The following CHUK variants were observed in gnomAD, a reference collection of about 807,000 sequenced individuals.
The protein encoded by CHUK is inhibitor of nuclear factor kappa-B kinase subunit alpha.
In CHUK, 35 loss-of-function variants were observed where a neutral mutation model predicts 104.8. The ratio of observed to expected loss-of-function variants is 0.33; its 90% CI spans 0.26 to 0.44. The LOEUF (loss-of-function observed/expected upper bound fraction) is 0.44, where lower values mean the gene tolerates loss of function less well. Ranked by LOEUF, CHUK falls within the 20% of genes least tolerant of loss-of-function variation. CHUK has a pLI of 1.00. For missense variants in CHUK, 663 were observed against 902.7 expected (o/e 0.73, Z 3.40); for synonymous variants, 276 against 291.9 (o/e 0.95, Z 0.56).
Position 100,198,180 on chromosome 10 carries a change from C to T in CHUK, c.1729+1791G>A, listed in dbSNP as rs187366062. On this transcript the variant is annotated intron_variant, in intron 16 of 20. Coordinates refer to ENST00000370397, the MANE Select transcript of CHUK (RefSeq NM_001278.5). The stretch of plus-strand genomic sequence containing the variant: ...ATCTGAATAATCATAGTTTGCCTGA[C>T]AGTTGCTCTTCCAAGTAAAAATGGT... Among the ~76,000 whole-genome samples the T allele has an allele frequency of 4.6e-5, 7 of 152,236 alleles. No homozygotes were observed. In the South Asian group the frequency reaches 1.2e-3, roughly 27 times the overall value.
rs1489930899 is a variant in CHUK, at chr10:100,205,189, GCTGTC to G, written c.1237_1241del (p.Asp413GlnfsTer11). On this transcript the variant is annotated frameshift_variant, in exon 12 of 21. Coordinates refer to ENST00000370397, the MANE Select transcript of CHUK (RefSeq NM_001278.5). LOFTEE classifies it high-confidence loss of function. ...GCTGTATAATTGGAAGCTGTATTTTGCTGTCCTGTACTATATACAAGAAGATGAGA... is the reference window on the plus strand; with the variant it reads ...GCTGTATAATTGGAAGCTGTATTTTGCTGTACTATATACAAGAAGATGAGA... 6.2e-7 allele frequency: 1 copy of G among 1,613,910 alleles called. No individual in the cohort carries two copies. Among genetic ancestry groups the G allele is most frequent in the Non-Finnish European group, 8.5e-7 (1 of 1,179,916 alleles).
intron 5 of CHUK, 33 bp downstream of exon 5, chr10:100,220,554 AT>A: frequency 7.4e-7 from 1 of 1,360,188 alleles, no homozygotes; most frequent in Admixed American, 1.7e-5. Context: ...ACTATATTCA[AT>A]AGGCATGAAA....
rs1846021232 is a variant in CHUK, at chr10:100,222,857, C to T, written c.315+9G>A. 1 of 1,309,946 alleles carries T rather than the reference C, an allele frequency of 7.6e-7. No individual in the cohort carries two copies. The allele number at this position is 1,309,946 out of a possible 1,614,324, so 81.1% of individuals were successfully genotyped here. ...TTTACTCTCTCTCATCTCAAAACAT[C>T]CACACTACCTTTCGGAGATCTCCTC... On this transcript the variant is annotated intron_variant, in intron 3 of 20. Coordinates refer to ENST00000370397, the MANE Select transcript of CHUK (RefSeq NM_001278.5).
At chr10:100,198,607 T>G (rs1310898496) in intron 16 of CHUK, among the ~76,000 whole-genome samples, 1 of 152,216 alleles carries the variant, frequency 6.6e-6, no homozygotes, top group Non-Finnish European at 1.5e-5. Context: ...TCACAGACTC[T>G]CTGACAAAGT....
Position 100,194,047 on chromosome 10 carries a change from A to G in CHUK, c.1911T>C (p.Asn637=). 1 of 1,613,752 alleles carries G rather than the reference A, an allele frequency of 6.2e-7. No homozygotes were observed. Among genetic ancestry groups the G allele is most frequent in the Non-Finnish European group, 8.5e-7 (1 of 1,179,742 alleles). Residue 637 remains asparagine, a synonymous_variant, in exon 18 of 21, where the codon AAT becomes AAC. Coordinates refer to ENST00000370397, the MANE Select transcript of CHUK (RefSeq NM_001278.5). ...VALSNIKEAD[N]TVMFMQGKRQ... is the part of the protein sequence containing the mutation. ...TTTTTCCCTGCATGAACATGACAGT[A>G]TTGTCAGCTTCTTTGATATTACTGA... is the stretch of plus-strand genomic sequence containing the variant.
At chr10:100,215,519 A>C (rs989310628) in intron 9 of CHUK, among the ~76,000 whole-genome samples, 1 of 150,424 alleles carries the variant, frequency 6.6e-6, no homozygotes, top group African/African-American at 2.5e-5. Context: ...GGCGTGAAAG[A>C]GGAGGCAAAA....
At position 100,193,352 on chromosome 10, in the gene CHUK, G is replaced by T. The variant is rs148373303; in HGVS notation, c.2054C>A (p.Pro685Gln). The T allele has an allele frequency of 1.2e-6, 2 of 1,613,908 alleles. No homozygotes were observed. Among genetic ancestry groups the T allele is most frequent in the African/African-American group, 1.3e-5 (1 of 74,906 alleles). Reference sequence around the variant, plus strand: ...AGAATGATCATGTTCTGCTGAAGTCGGGGGCAGCCATGCTGATGTCTGAGG... The same window carrying T: ...AGAATGATCATGTTCTGCTGAAGTCTGGGGCAGCCATGCTGATGTCTGAGG... ...VTPQTSAWLPPTSAEHDHSLS... is the reference protein window; with the variant it reads ...VTPQTSAWLPQTSAEHDHSLS... The change falls in exon 19 of 21, where the codon CCG becomes CAG. Residue 685 changes from proline (P) to glutamine (Q), a missense_variant. Coordinates refer to ENST00000370397, the MANE Select transcript of CHUK (RefSeq NM_001278.5).
chr10:100,207,094 C>T lies in CHUK; in HGVS notation c.1231+136G>A. ...ATATAAATCCATTTTTCAGAGTTCT[C>T]ATATAACTCCATATAGAAACTTCAA... On this transcript the variant is annotated intron_variant, in intron 11 of 20. Transcript: ENST00000370397. 6.1e-6 allele frequency: 4 copies of T among 660,394 alleles called. No homozygotes were observed. The South Asian group carries it at 6.4e-5, about 11-fold the overall frequency. 40.9% of individuals were successfully genotyped at this position (660,394 alleles called of 1,614,324 possible).
Position 100,194,409 on chromosome 10 carries a change from G to A in CHUK, c.1826+16C>T, listed in dbSNP as rs761202938. 3.9e-6 allele frequency: 6 copies of A among 1,545,936 alleles called. No homozygotes were observed. The African/African-American group carries it at 4.1e-5, about 11-fold the overall frequency. On this transcript the variant is annotated intron_variant, in intron 17 of 20. Transcript: ENST00000370397. Reference sequence around the variant, plus strand: ...GTATCCTGGTTTTTCAGTAGGAAATGAAGCAATTTTCCTACCTCAAATGAC... The same window carrying A: ...GTATCCTGGTTTTTCAGTAGGAAATAAAGCAATTTTCCTACCTCAAATGAC...
rs575766125 is a variant in CHUK at position 100,207,712 on chromosome 10, G to T, written c.1129-380C>A. 4.6e-5 allele frequency among the ~76,000 whole-genome samples: 7 copies of T among 152,296 alleles called. No individual in the cohort carries two copies. The East Asian group carries it at 1.2e-3, about 25-fold the overall frequency. ...TTACATAATTCCATTTATATGGAAT[G>T]TTCAGAAAAGGCAAACTTGTGGAGA... On this transcript the variant is annotated intron_variant, in intron 10 of 20. Transcript: ENST00000370397.
chr10:100,208,865 C>A (rs975063371), intron 10 of CHUK, among the ~76,000 whole-genome samples: 1 of 151,638 alleles, frequency 6.6e-6, no homozygotes, highest in Non-Finnish European at 1.5e-5. Context: ...TCTGCCCAGG[C>A]CTTTCCCAGG....
At chr10:100,191,794 G>A (rs550626171) in intron 19 of CHUK, among the ~76,000 whole-genome samples, 2 of 152,282 alleles carry the variant, frequency 1.3e-5, no homozygotes, top group African/African-American at 4.8e-5. Flanking sequence ...AAGTACCACA[G>A]GTACATTATA....
intron 9 of CHUK, 35 bp downstream of exon 9, chr10:100,217,960 T>G: frequency 6.3e-7 from 1 of 1,589,074 alleles, no homozygotes; most frequent in Non-Finnish European, 8.6e-7. Flanking sequence ...TTACTTTCAA[T>G]GCTGGTCTTA....
At chr10:100,212,064 G>A (rs1036454194) in intron 9 of CHUK, among the ~76,000 whole-genome samples, 3 of 152,138 alleles carry the variant, frequency 2.0e-5, no homozygotes, top group East Asian at 1.9e-4. Flanking sequence ...TGTAATTTTA[G>A]TTGAGATGGG....
At chr10:100,193,952 T>A (rs1029867094) in intron 18 of CHUK, 32 bp downstream of exon 18, 3 of 1,589,304 alleles carry the variant, frequency 1.9e-6, no homozygotes, top group Non-Finnish European at 2.6e-6. Flanking sequence ...CAACTCAATG[T>A]CACATTAAAT....
At chr10:100,205,917 AAACTC>A (rs1158569685) in intron 11 of CHUK, among the ~76,000 whole-genome samples, 1 of 152,196 alleles carries the variant, frequency 6.6e-6, no homozygotes, top group Non-Finnish European at 1.5e-5. Flanking sequence ...GACAAGAGTG[AAACTC>A]CATCTCAAAA....
At position 100,218,772 on chromosome 10, in the gene CHUK, A is replaced by G. The variant is rs1589595627; in HGVS notation, c.743T>C (p.Met248Thr). The G allele has an allele frequency of 6.2e-7, 1 of 1,613,996 alleles. No individual in the cohort carries two copies. Among genetic ancestry groups the G allele is most frequent in the East Asian group, 2.2e-5 (1 of 44,856 alleles). The change falls in exon 8 of 21, where the codon ATG becomes ACG. Residue 248 changes from methionine (M) to threonine (T), a missense_variant. Met to Thr is a moderately conservative substitution (Grantham distance 81). Transcript: ENST00000370397. ...DPKCIFACEEMSGEVRFSSHL... is the reference protein window; with the variant it reads ...DPKCIFACEETSGEVRFSSHL... ...GCTACTAAACCGAACTTCTCCTGAC[A>G]TCTCTTCACATGCAAATATACACTT...
chr10:100,215,214 CAAA>C (rs913817319), intron 9 of CHUK, among the ~76,000 whole-genome samples: 2 of 51,570 alleles, frequency 3.9e-5, no homozygotes, highest in Admixed American at 2.5e-4. Flanking sequence ...GGCTCCATAT[CAAA>C]AAAAAAAAAA....
At chr10:100,228,828 G>A (rs1230017637) in intron 1 of CHUK, among the ~76,000 whole-genome samples, 1 of 152,032 alleles carries the variant, frequency 6.6e-6, no homozygotes, top group Non-Finnish European at 1.5e-5. Flanking sequence ...TTGAAGCCAT[G>A]CTCTGCACCA....
Sources: gnomAD v4.1 joint callset for allele counts (sites outside exome capture counted in the v4.1 genomes callset) on GRCh38, gnomAD v4.1.1 for gene constraint, MANE v1.5 for transcripts, NCBI Gene and HGNC (gene_info 2026-07-23, HGNC 2026-07-21) for gene names.